The following VXN variants were observed in gnomAD, a reference collection of about 807,000 sequenced individuals.
VXN encodes the protein uncharacterized protein C8orf46.
In VXN, 7 loss-of-function variants were observed where a neutral mutation model predicts 23.1. The observed-to-expected ratio is 0.30, with a 90% CI of 0.17 to 0.57. VXN has a LOEUF of 0.57. Ranked by LOEUF, VXN falls within the 20% of genes least tolerant of loss-of-function variation. The pLI, the probability that VXN is intolerant of heterozygous loss-of-function variation, is 0.91. For synonymous variants in VXN, 120 were observed against 105.8 expected (o/e 1.13, Z -0.83); for missense variants, 238 against 272.6 (o/e 0.87, Z 0.89).
intron 4 of VXN, among the ~76,000 whole-genome samples, chr8:66,512,605 T>G (rs1807837349): frequency 6.6e-6 from 1 of 152,142 alleles, no homozygotes; most frequent in African/African-American, 2.4e-5. Flanking sequence ...TACTTGTCAC[T>G]CCTTTGGGAG....
At position 66,517,793 on chromosome 8, in the gene VXN, G is replaced by A. The variant is rs1807914557; in HGVS notation, c.*1717G>A. On this transcript the variant is annotated 3_prime_UTR_variant, in exon 6 of 6. Transcript: ENST00000305454. ...AAGACAGTGCTGGAAATTGCCATAT[G>A]TTGATACAAAGAAGTGTTTGGCCAC... The A allele has an allele frequency of 6.6e-6, 1 of 152,240 alleles. No homozygotes were observed. The highest frequency in any genetic ancestry group is 2.1e-4 in the South Asian group (1 of 4,836). 9.4% of individuals were successfully genotyped at this position (152,240 alleles called of 1,614,324 possible).
chr8:66,506,407 T>C (rs765100540), intron 3 of VXN, among the ~76,000 whole-genome samples: 1 of 152,022 alleles, frequency 6.6e-6, no homozygotes, highest in African/African-American at 2.4e-5. Context: ...TAGTTTTACC[T>C]TGGATGCTAT....
chr8:66,506,514 G>A (rs1807761552), intron 3 of VXN, among the ~76,000 whole-genome samples: 1 of 151,774 alleles, frequency 6.6e-6, no homozygotes, highest in Admixed American at 6.6e-5. Flanking sequence ...TGCTGGTTTA[G>A]GTTATTTCTG....
chr8:66,507,747 G>A (rs2130552605), intron 3 of VXN, among the ~76,000 whole-genome samples: 1 of 149,508 alleles, frequency 6.7e-6, no homozygotes, highest in African/African-American at 2.4e-5. Flanking sequence ...GCTGGGGATT[G>A]GTTCAATTCC....
chr8:66,516,322 A>C lies in VXN; in HGVS notation c.*246A>C. The C allele has an allele frequency of 3.0e-6, 1 of 332,702 alleles. No individual in the cohort carries two copies. The highest frequency in any genetic ancestry group is 5.4e-6 in the Non-Finnish European group (1 of 185,470). The allele number at this position is 332,702 out of a possible 1,614,324, so 20.6% of individuals were successfully genotyped here. On this transcript the variant is annotated 3_prime_UTR_variant, in exon 6 of 6. Coordinates refer to ENST00000305454, the MANE Select transcript of VXN (RefSeq NM_152765.4). Reference sequence around the variant, plus strand: ...TGAAAGTGACTTTGGGAGGTCATAAAGTTTGTATCTCTATCTTTAAGCAAA... The same window carrying C: ...TGAAAGTGACTTTGGGAGGTCATAACGTTTGTATCTCTATCTTTAAGCAAA...
intron 5 of VXN, among the ~76,000 whole-genome samples, chr8:66,514,899 C>A (rs1807869380): frequency 6.6e-6 from 1 of 152,160 alleles, no homozygotes; most frequent in Non-Finnish European, 1.5e-5. Flanking sequence ...TTTGAAAGCA[C>A]TGGGAGGTCA....
chr8:66,499,040 G>A, intron 2 of VXN: 1 of 169,018 alleles, frequency 5.9e-6, no homozygotes, highest in Non-Finnish European at 1.3e-5. Flanking sequence ...CATTAAATGA[G>A]GATAATAAGA....
At chr8:66,496,523 G>A in intron 2 of VXN, 31 bp downstream of exon 2, 1 of 1,605,486 alleles carries the variant, frequency 6.2e-7, no homozygotes. Flanking sequence ...ATGTTCTTTG[G>A]TTGACTTTCA....
intron 1 of VXN, among the ~76,000 whole-genome samples, chr8:66,494,150 C>A (rs1297077666): frequency 6.6e-6 from 1 of 152,190 alleles, no homozygotes; most frequent in East Asian, 1.9e-4. Flanking sequence ...CGGAGAAATA[C>A]TCCCGGTGGC....
intron 1 of VXN, 51 bp downstream of exon 1, chr8:66,493,769 A>C: frequency 2.0e-6 from 3 of 1,483,488 alleles, no homozygotes; most frequent in Non-Finnish European, 2.8e-6. Flanking sequence ...CTTAGGCAGG[A>C]GGGGAAGGAC....
chr8:66,506,439 C>A (rs1807760670), intron 3 of VXN, among the ~76,000 whole-genome samples: 1 of 151,704 alleles, frequency 6.6e-6, no homozygotes, highest in African/African-American at 2.4e-5. Context: ...GGCTTCCACC[C>A]CAAGCAGATA....
chr8:66,501,433 A>G (rs1807691079), intron 2 of VXN: 1 of 152,184 alleles, frequency 6.6e-6, no homozygotes, highest in East Asian at 1.9e-4. Flanking sequence ...ACTCAATCCC[A>G]AAGTCTAGAA....
chr8:66,510,461 T>A (rs547801739), intron 4 of VXN: 1 of 275,590 alleles, frequency 3.6e-6, no homozygotes, highest in Non-Finnish European at 6.8e-6. Context: ...GATGGACTGG[T>A]TTCTATCACA....
intron 2 of VXN, among the ~76,000 whole-genome samples, chr8:66,502,011 G>A (rs573484967): frequency 1.3e-5 from 2 of 152,082 alleles, no homozygotes; most frequent in Admixed American, 6.5e-5. Context: ...TTATCCCTTA[G>A]ACTACCATGT....
intron 3 of VXN, among the ~76,000 whole-genome samples, chr8:66,506,524 G>A (rs1468718161): frequency 1.3e-5 from 2 of 151,842 alleles, no homozygotes; most frequent in Non-Finnish European, 2.9e-5. Flanking sequence ...GGTTATTTCT[G>A]TTATGCCCAC....
At chr8:66,500,151 T>G (rs1807674685) in intron 2 of VXN, among the ~76,000 whole-genome samples, 1 of 152,180 alleles carries the variant, frequency 6.6e-6, no homozygotes, top group Non-Finnish European at 1.5e-5. Flanking sequence ...TAAATAGGGT[T>G]CCCCATTTTT....
intron 4 of VXN, 146 bp from the exon 5 acceptor site, chr8:66,513,394 G>A: frequency 1.4e-6 from 1 of 739,568 alleles, no homozygotes. Context: ...AAGCCCTCCA[G>A]GGCAGTCCCA....
intron 4 of VXN, among the ~76,000 whole-genome samples, chr8:66,511,896 T>G (rs1489033676): frequency 1.3e-5 from 2 of 151,956 alleles, no homozygotes; most frequent in African/African-American, 4.8e-5. Context: ...CGAAACCCCA[T>G]CTCTACTAAA....
In VXN at chr8:66,504,789, G is replaced by A. The variant is rs145623648; in HGVS notation, c.127-586G>A. Among the ~76,000 whole-genome samples, 1,003 of 152,250 alleles carry A rather than the reference G, an allele frequency of 6.6e-3. 15 individuals carry two copies. Among genetic ancestry groups the A allele is most frequent in the African/African-American group, 0.023 (944 of 41,546 alleles). On this transcript the variant is annotated intron_variant, in intron 2 of 5. Coordinates refer to ENST00000305454, the MANE Select transcript of VXN (RefSeq NM_152765.4). ...CACCCTGACCCAGGCACTCTGCACTGGGAAGTGGGGACGCGGGTAGGAGAG... is the reference window on the plus strand; with the variant it reads ...CACCCTGACCCAGGCACTCTGCACTAGGAAGTGGGGACGCGGGTAGGAGAG...
Sources: allele counts gnomAD v4.1 joint callset (sites outside exome capture counted in the v4.1 genomes callset), GRCh38; gene constraint gnomAD v4.1.1; transcripts MANE v1.5; gene names NCBI Gene and HGNC (gene_info 2026-07-23, HGNC 2026-07-21).